The following GLIS3 variants were observed in gnomAD, a reference collection of about 807,000 sequenced individuals.
The protein encoded by GLIS3 is GLIS family zinc finger 3.
Under a neutral mutation model 78.6 loss-of-function variants are expected in GLIS3, and 53 were observed. That is an observed-to-expected ratio of 0.67 (90% CI 0.54 to 0.85). The LOEUF (loss-of-function observed/expected upper bound fraction) is 0.85. Ranked by LOEUF, GLIS3 falls within the 40% of genes least tolerant of loss-of-function variation. GLIS3 has a pLI of 0.00. For synonymous variants in GLIS3, 684 were observed against 509.9 expected (o/e 1.34, Z -4.60); for missense variants, 1,703 against 1,231.1 (o/e 1.38, Z -5.74).
the GLIS3 span, among the ~76,000 whole-genome samples, chr9:4,479,837 A>C: frequency 6.7e-6 from 1 of 149,148 alleles, no homozygotes; most frequent in Admixed American, 6.7e-5. Flanking sequence ...AAACAGGACC[A>C]CCATCGCTTC....
rs10974374 is a variant in GLIS3, at chr9:4,182,136, C to A, written c.389-56195G>T. ...AGAATAAAATGGTTCCTATAAGGAC[C>A]GTTTTTTCCTTTGGGGTTTGTTAAC... On this transcript the variant is annotated intron_variant, in intron 2 of 10. Transcript: ENST00000381971. 3.3e-5 allele frequency among the ~76,000 whole-genome samples: 5 copies of A among 152,018 alleles called. No homozygotes were observed. The East Asian group carries it at 9.7e-4, about 29-fold the overall frequency.
At chr9:3,967,734 T>C (rs570398912) in intron 4 of GLIS3, among the ~76,000 whole-genome samples, 5 of 152,146 alleles carry the variant, frequency 3.3e-5, no homozygotes, top group Non-Finnish European at 5.9e-5. Flanking sequence ...AAGAGACAAG[T>C]GCAATGTCAT....
chr9:4,097,747 ACT>A (rs1188804608), intron 4 of GLIS3, among the ~76,000 whole-genome samples: 1 of 152,104 alleles, frequency 6.6e-6, no homozygotes, highest in African/African-American at 2.4e-5. Context: ...TTAAATCCTG[ACT>A]CTGATAAACA....
the GLIS3 span, among the ~76,000 whole-genome samples, chr9:4,428,044 C>T: frequency 5.3e-5 from 8 of 151,838 alleles, no homozygotes; most frequent in Non-Finnish European, 1.0e-4. Flanking sequence ...AAAGAAATTT[C>T]CAGTGCCGGG....
chr9:4,139,534 AT>A lies in GLIS3; in HGVS notation c.389-13594del, dbSNP rs1372150351. ...TTACTCGTTCGCCCCCTCTGTCCAT[AT>A]TCCCTCCTGTTACATACAGATACAC... On this transcript the variant is annotated intron_variant, in intron 2 of 10. Transcript: ENST00000381971. 7.9e-5 allele frequency among the ~76,000 whole-genome samples: 12 copies of A among 152,276 alleles called. No homozygotes were observed. The East Asian group carries it at 2.1e-3, about 27-fold the overall frequency.
At chr9:4,440,400 G>T in the GLIS3 span, among the ~76,000 whole-genome samples, 18 of 152,184 alleles carry the variant, frequency 1.2e-4, no homozygotes, top group Non-Finnish European at 2.6e-4. Context: ...TCTGCCTGTG[G>T]ATATCCTGTT....
At chr9:4,256,451 T>G (rs1458508177) in intron 2 of GLIS3, among the ~76,000 whole-genome samples, 1 of 152,210 alleles carries the variant, frequency 6.6e-6, no homozygotes, top group Admixed American at 6.5e-5. Context: ...TTTCACCTCT[T>G]AAATTGTGAA....
At chr9:4,408,327 A>G in the GLIS3 span, among the ~76,000 whole-genome samples, 18 of 152,174 alleles carry the variant, frequency 1.2e-4, no homozygotes, top group African/African-American at 4.3e-4. Context: ...TGTTTGTTGC[A>G]GCACTGTTCA....
intron 2 of GLIS3, among the ~76,000 whole-genome samples, chr9:4,252,993 C>G (rs1285574123): frequency 4.6e-5 from 7 of 152,332 alleles, no homozygotes; most frequent in African/African-American, 1.7e-4. Context: ...AAGCTTCATT[C>G]CAGGGGGGCA....
At chr9:4,253,578 T>C (rs1824608885) in intron 2 of GLIS3, among the ~76,000 whole-genome samples, 2 of 152,222 alleles carry the variant, frequency 1.3e-5, no homozygotes, top group South Asian at 4.1e-4. Context: ...CTAGACCACT[T>C]GTCTCCCTGG....
chr9:4,238,434 A>G (rs1822983516), intron 2 of GLIS3, among the ~76,000 whole-genome samples: 1 of 152,180 alleles, frequency 6.6e-6, no homozygotes, highest in Non-Finnish European at 1.5e-5. Context: ...TCATCCCCCA[A>G]CATTCTAACT....
chr9:4,094,687 C>T (rs1174740379), intron 4 of GLIS3, among the ~76,000 whole-genome samples: 1 of 152,098 alleles, frequency 6.6e-6, no homozygotes, highest in African/African-American at 2.4e-5. Flanking sequence ...AAGGACCATG[C>T]CTGTACATTT....
chr9:4,085,901 A>C (rs1324507164), intron 4 of GLIS3, among the ~76,000 whole-genome samples: 3 of 152,214 alleles, frequency 2.0e-5, no homozygotes, highest in African/African-American at 7.2e-5. Flanking sequence ...TAAAGCCTGC[A>C]GAACTGTGAG....
chr9:3,990,403 G>A (rs1338320108), intron 4 of GLIS3, among the ~76,000 whole-genome samples: 1 of 152,172 alleles, frequency 6.6e-6, no homozygotes, highest in Non-Finnish European at 1.5e-5. Context: ...CTTCACCAAA[G>A]ATCGACCTGC....
chr9:3,996,267 G>A (rs1020576156), intron 4 of GLIS3, among the ~76,000 whole-genome samples: 2 of 151,980 alleles, frequency 1.3e-5, no homozygotes, highest in Non-Finnish European at 2.9e-5. Context: ...TCAGAAAAAA[G>A]AAAAAATATC....
chr9:4,333,123 T>C (rs888434298), intron 2 of GLIS3, among the ~76,000 whole-genome samples: 1 of 152,154 alleles, frequency 6.6e-6, no homozygotes, highest in Non-Finnish European at 1.5e-5. Flanking sequence ...GCTGCACTCT[T>C]ATAGTCCTAG....
chr9:3,903,871 A>G (rs1319037358), intron 6 of GLIS3, among the ~76,000 whole-genome samples: 2 of 152,184 alleles, frequency 1.3e-5, no homozygotes, highest in Non-Finnish European at 2.9e-5. Context: ...GAAATTAGCT[A>G]AGGATGAAGA....
intron 4 of GLIS3, among the ~76,000 whole-genome samples, chr9:4,016,453 T>C (rs1822445495): frequency 6.6e-6 from 1 of 152,178 alleles, no homozygotes; most frequent in Admixed American, 6.5e-5. Context: ...ATTATACATT[T>C]CTAAACAGAA....
chr9:4,188,199 A>T (rs1206334577), intron 2 of GLIS3, among the ~76,000 whole-genome samples: 1 of 151,696 alleles, frequency 6.6e-6, no homozygotes, highest in African/African-American at 2.4e-5. Context: ...GAGACGTTTT[A>T]GCATGAAGGG....
Sources: gnomAD v4.1 joint callset for allele counts (sites outside exome capture counted in the v4.1 genomes callset) on GRCh38, gnomAD v4.1.1 for gene constraint, MANE v1.5 for transcripts, NCBI Gene and HGNC (gene_info 2026-07-23, HGNC 2026-07-21) for gene names.